Variants in MAP3K9 observed in about 807,000 individuals in gnomAD.
MAP3K9 encodes the protein mixed lineage kinase 1 (tyr and ser/thr specificity).
Under a neutral mutation model 95.8 loss-of-function variants are expected in MAP3K9, and 46 were observed. The observed-to-expected ratio is 0.48, with a 90% CI of 0.38 to 0.61. The LOEUF is 0.61. Ranked by LOEUF, MAP3K9 falls within the 20% of genes least tolerant of loss-of-function variation. The probability of loss-of-function intolerance (pLI) is 0.00; values close to 1 mark genes in which losing one functional copy is unlikely to be tolerated. For synonymous variants in MAP3K9, 533 were observed against 593.8 expected (o/e 0.90, Z 1.49); for missense variants, 1,296 against 1,474.3 (o/e 0.88, Z 1.98).
At position 70,809,168 on chromosome 14, in the gene MAP3K9, C is replaced by T; in HGVS notation, c.4G>A (p.Glu2Lys). The T allele has an allele frequency of 1.5e-6, 2 of 1,345,774 alleles. No individual in the cohort carries two copies. Among genetic ancestry groups the T allele is most frequent in the Non-Finnish European group, 1.9e-6 (2 of 1,056,502 alleles). 83.4% of individuals were successfully genotyped at this position (1,345,774 alleles called of 1,614,324 possible). The change falls in exon 1 of 12, where the codon GAG (glutamate) becomes AAG (lysine). Residue 2 changes from glutamate to lysine, a missense_variant. Physicochemically the swap from Glu to Lys is moderately conservative, Grantham distance 56. Coordinates refer to ENST00000554752, the MANE Select transcript of MAP3K9 (RefSeq NM_001284230.2). Reference sequence around the variant, plus strand: ...CAGCCGAGAAGCGCTCTGGAGGGCTCCATGGAGCGGCCGATCCATAGGGTG... The same window carrying T: ...CAGCCGAGAAGCGCTCTGGAGGGCTTCATGGAGCGGCCGATCCATAGGGTG... M[E>K]PSRALLGCLA...
chr14:70,797,902 C>T (rs1309917900), intron 2 of MAP3K9, among the ~76,000 whole-genome samples: 13 of 152,176 alleles, frequency 8.5e-5, no homozygotes, highest in Admixed American at 8.5e-4. Flanking sequence ...AGATTTACAA[C>T]TAGCATCAAC....
At position 70,725,987 on chromosome 14, in the gene MAP3K9, C is replaced by T. The variant is rs1160455073; in HGVS notation, c.*4393G>A. 1 of 152,228 alleles carries T rather than the reference C, an allele frequency of 6.6e-6. No individual in the cohort carries two copies. Among genetic ancestry groups the T allele is most frequent in the Non-Finnish European group, 1.5e-5 (1 of 68,056 alleles). The allele number at this position is 152,228 out of a possible 1,614,324, so 9.4% of individuals were successfully genotyped here. ...AGCATCGTCCCCAGTTCACAGTAGG[C>T]TTCTGAAGTCCAGTGAGGGGAAAAG... is the stretch of plus-strand genomic sequence containing the variant. On this transcript the variant is annotated 3_prime_UTR_variant, in exon 12 of 12. Coordinates refer to ENST00000554752, the MANE Select transcript of MAP3K9 (RefSeq NM_001284230.2).
chr14:70,733,376 A>G, intron 10 of MAP3K9, 34 bp from the exon 11 acceptor site: 1 of 949,492 alleles, frequency 1.1e-6, no homozygotes, highest in Non-Finnish European at 1.6e-6. Flanking sequence ...GAGAAACAGG[A>G]AATGGAAATG....
rs1254727141 is a variant in MAP3K9 at position 70,730,826 on chromosome 14, C to T, written c.2869G>A (p.Glu957Lys). Reference sequence around the variant, plus strand: ...TTGGGGTCAGGGAGACGGGGGAATTCACCTGGGTCTCGGCTGGGACTGGGG... The same window carrying T: ...TTGGGGTCAGGGAGACGGGGGAATTTACCTGGGTCTCGGCTGGGACTGGGG... ...KTPSPSRDPG[E>K]FPRLPDPNVV... is the part of the protein sequence containing the mutation. The change falls in exon 12 of 12, where the codon GAA becomes AAA. Residue 957 changes from glutamate (E) to lysine (K), a missense_variant. Transcript: ENST00000554752. 13 of 1,611,318 alleles carry T rather than the reference C, an allele frequency of 8.1e-6. No homozygotes were observed. The highest frequency in any genetic ancestry group is 1.0e-5 in the Non-Finnish European group (12 of 1,179,744).
intron 2 of MAP3K9, among the ~76,000 whole-genome samples, chr14:70,791,833 G>GCC (rs2054810860): frequency 6.6e-6 from 1 of 152,232 alleles, no homozygotes; most frequent in Non-Finnish European, 1.5e-5. Context: ...CCCACAGGGA[G>GCC]CTCCTGGAGA....
intron 1 of MAP3K9, among the ~76,000 whole-genome samples, chr14:70,806,517 T>G (rs2054991669): frequency 6.6e-6 from 1 of 152,218 alleles, no homozygotes; most frequent in Non-Finnish European, 1.5e-5. Context: ...TCAAGTTAAT[T>G]CTTTCCATTA....
intron 2 of MAP3K9, among the ~76,000 whole-genome samples, chr14:70,790,760 C>T (rs2054799014): frequency 6.6e-6 from 1 of 152,142 alleles, no homozygotes; most frequent in Admixed American, 6.5e-5. Flanking sequence ...TTGAAGGGGA[C>T]TCCACAGTAA....
intron 2 of MAP3K9, among the ~76,000 whole-genome samples, chr14:70,770,795 C>T (rs2054521375): frequency 6.6e-6 from 1 of 152,180 alleles, no homozygotes; most frequent in Non-Finnish European, 1.5e-5. Context: ...AAGGGGTTCC[C>T]TTCGTCTCCC....
intron 7 of MAP3K9, 54 bp downstream of exon 7, chr14:70,739,988 G>A: frequency 1.2e-6 from 2 of 1,614,184 alleles, no homozygotes; most frequent in Non-Finnish European, 1.7e-6. Context: ...GACAGAGCAG[G>A]GGACAGGTGC....
rs200736468 is a variant in MAP3K9, at chr14:70,730,341, C to T, written c.*39G>A. The T allele has an allele frequency of 1.2e-4, 191 of 1,574,262 alleles. No individual in the cohort carries two copies. The highest frequency in any genetic ancestry group is 1.8e-4 in the East Asian group (8 of 44,266). ...TGTGCCCGCCAGCTCCCCTCATCTC[C>T]GCTGGCTGTCCCCCTTGCCCGCCCC... On this transcript the variant is annotated 3_prime_UTR_variant, in exon 12 of 12. Transcript: ENST00000554752.
rs374298609 is a variant in MAP3K9 at position 70,796,035 on chromosome 14, G to A, written c.820+4632C>T. Among the ~76,000 whole-genome samples, 24 of 152,236 alleles carry A rather than the reference G, an allele frequency of 1.6e-4. No homozygotes were observed. The South Asian group carries it at 2.3e-3, about 14-fold the overall frequency. Reference sequence around the variant, plus strand: ...CTCCCAAAGTGCTGGGATTACAGGCGTGAGCCACCACACCTGGCCACTTAT... The same window carrying A: ...CTCCCAAAGTGCTGGGATTACAGGCATGAGCCACCACACCTGGCCACTTAT... On this transcript the variant is annotated intron_variant, in intron 2 of 11. Coordinates refer to ENST00000554752, the MANE Select transcript of MAP3K9 (RefSeq NM_001284230.2).
At chr14:70,739,817 C>A in intron 7 of MAP3K9, 2 of 1,388,378 alleles carry the variant, frequency 1.4e-6, no homozygotes, top group Admixed American at 2.2e-5. Context: ...AATCCCTTTG[C>A]TGATATGTGA....
chr14:70,785,967 CT>C (rs1245565997), intron 2 of MAP3K9, among the ~76,000 whole-genome samples: 1 of 152,196 alleles, frequency 6.6e-6, no homozygotes, highest in Non-Finnish European at 1.5e-5. Flanking sequence ...GACTACCATA[CT>C]CTTTCTACTA....
At chr14:70,804,157 A>C (rs2054963573) in intron 1 of MAP3K9, among the ~76,000 whole-genome samples, 1 of 152,198 alleles carries the variant, frequency 6.6e-6, no homozygotes. Flanking sequence ...CAATTAGAGA[A>C]GTAGCAGCTG....
At chr14:70,796,153 C>T (rs923586265) in intron 2 of MAP3K9, among the ~76,000 whole-genome samples, 1 of 152,148 alleles carries the variant, frequency 6.6e-6, no homozygotes, top group Non-Finnish European at 1.5e-5. Flanking sequence ...CATCTACCTG[C>T]CCCCAAAAGG....
rs963127599 is a variant in MAP3K9, at chr14:70,798,680, G to A, written c.820+1987C>T. Among the ~76,000 whole-genome samples the A allele has an allele frequency of 4.8e-3, 733 of 151,364 alleles. 9 individuals are homozygous for A. The highest frequency in any genetic ancestry group is 0.017 in the African/African-American group (700 of 41,232). ...TTTTTAGTAGAGACGGGGTTTCACC[G>A]TTTTAGCCGGGATGGTCTCGATCTC... is the stretch of plus-strand genomic sequence containing the variant. On this transcript the variant is annotated intron_variant, in intron 2 of 11. Coordinates refer to ENST00000554752, the MANE Select transcript of MAP3K9 (RefSeq NM_001284230.2).
At chr14:70,782,707 G>T (rs1024425811) in intron 2 of MAP3K9, among the ~76,000 whole-genome samples, 3 of 152,212 alleles carry the variant, frequency 2.0e-5, no homozygotes, top group Non-Finnish European at 4.4e-5. Context: ...TTCAGTCTAT[G>T]ATATGGATGC....
intron 2 of MAP3K9, among the ~76,000 whole-genome samples, chr14:70,796,803 A>C (rs2054869394): frequency 6.6e-6 from 1 of 152,206 alleles, no homozygotes; most frequent in African/African-American, 2.4e-5. Flanking sequence ...ATGGAAGCCA[A>C]GTACTGGGAT....
At chr14:70,786,470 C>T (rs1329804852) in intron 2 of MAP3K9, among the ~76,000 whole-genome samples, 1 of 152,076 alleles carries the variant, frequency 6.6e-6, no homozygotes, top group African/African-American at 2.4e-5. Context: ...GAATACTGAA[C>T]ACTGTTATCC....
Sources: gnomAD v4.1 joint callset for allele counts (sites outside exome capture counted in the v4.1 genomes callset) on GRCh38, gnomAD v4.1.1 for gene constraint, MANE v1.5 for transcripts, NCBI Gene and HGNC (gene_info 2026-07-23, HGNC 2026-07-21) for gene names.